Variants in PAK1 observed in about 807,000 individuals in gnomAD.
PAK1 encodes p21 (RAC1) activated kinase 1.
PAK1 carries 29 observed loss-of-function variants against 67.4 expected under a neutral mutation model. The observed-to-expected ratio is 0.43, with a 90% CI of 0.32 to 0.59. The LOEUF (loss-of-function observed/expected upper bound fraction) is 0.59. Among genes scored for constraint, PAK1 ranks in the 20% least tolerant of loss-of-function variants. The pLI is 0.07. For synonymous variants in PAK1, 223 were observed against 237.4 expected, an observed-to-expected ratio of 0.94 and a Z score of 0.56; for missense variants, 337 against 670.7, an observed-to-expected ratio of 0.50 and a Z score of 5.50.
At chr11:77,428,222 TAAG>T (rs1048312806) in intron 1 of PAK1, among the ~76,000 whole-genome samples, 1 of 152,134 alleles carries the variant, frequency 6.6e-6, no homozygotes, top group African/African-American at 2.4e-5. Flanking sequence ...GTGAAAGGTA[TAAG>T]AAGATTGAAA....
At chr11:77,352,612 AC>A (rs1179403209) in intron 8 of PAK1, among the ~76,000 whole-genome samples, 5 of 152,262 alleles carry the variant, frequency 3.3e-5, no homozygotes, top group Admixed American at 2.0e-4. Flanking sequence ...CTCACCACTC[AC>A]TGACTCACCT....
chr11:77,449,843 TTC>T lies in PAK1; in HGVS notation c.-22+23707_-22+23708del, dbSNP rs574217198. On this transcript the variant is annotated intron_variant, in intron 1 of 14. Coordinates refer to ENST00000356341, the MANE Select transcript of PAK1 (RefSeq NM_002576.5). ...TATTACATATTCAATTTTTTAAAAA[TTC>T]TGTTTTAGCCCCTGTGCTGAGAACA... 1.1e-4 allele frequency among the ~76,000 whole-genome samples: 16 copies of T among 152,256 alleles called. No homozygotes were observed. The South Asian group carries it at 2.9e-3, about 28-fold the overall frequency.
chr11:77,508,542 T>C, the PAK1 span, among the ~76,000 whole-genome samples: 13 of 152,108 alleles, frequency 8.5e-5, no homozygotes, highest in African/African-American at 3.1e-4. Context: ...AACCACTGAG[T>C]GCCGCAAATT....
chr11:77,443,304 T>C (rs1956443918), intron 1 of PAK1, among the ~76,000 whole-genome samples: 1 of 130,716 alleles, frequency 7.7e-6, no homozygotes, highest in African/African-American at 2.7e-5. Flanking sequence ...ACTCCGTCTC[T>C]TAAAAAAAAA....
chr11:77,485,693 T>C, the PAK1 span, among the ~76,000 whole-genome samples: 5,802 of 152,226 alleles, frequency 0.038, 383 homozygotes, highest in African/African-American at 0.13. Flanking sequence ...CAGGCTGATC[T>C]TGAACTCCTG....
intron 1 of PAK1, among the ~76,000 whole-genome samples, chr11:77,444,892 TTC>T (rs962316904): frequency 5.9e-5 from 9 of 152,108 alleles, no homozygotes; most frequent in African/African-American, 2.2e-4. Context: ...ATATCTCTAC[TTC>T]TCTCTGCTAA....
chr11:77,520,968 G>T, the PAK1 span, among the ~76,000 whole-genome samples: 2 of 152,156 alleles, frequency 1.3e-5, no homozygotes, highest in Non-Finnish European at 2.9e-5. Context: ...TAACAGGAAG[G>T]CCAAGGGAGT....
chr11:77,346,887 A>G (rs570124275), intron 9 of PAK1: 15 of 396,862 alleles, frequency 3.8e-5, no homozygotes, highest in South Asian at 1.5e-4. Flanking sequence ...TGTTCTTTCT[A>G]TTGTACACAT....
chr11:77,390,708 C>T (rs149437574), intron 2 of PAK1, among the ~76,000 whole-genome samples: 22 of 148,016 alleles, frequency 1.5e-4, no homozygotes, highest in African/African-American at 5.3e-4. Context: ...TCCTATTTTG[C>T]CCGGGCTAGT....
intron 1 of PAK1, among the ~76,000 whole-genome samples, chr11:77,460,674 G>A (rs1957304605): frequency 6.6e-6 from 1 of 152,068 alleles, no homozygotes; most frequent in Admixed American, 6.6e-5. Context: ...TTTCTAAAAT[G>A]GGACCATGGG....
chr11:77,482,421 G>T, the PAK1 span, among the ~76,000 whole-genome samples: 5 of 152,008 alleles, frequency 3.3e-5, no homozygotes, highest in African/African-American at 4.8e-5. Flanking sequence ...CCTTAAAAAA[G>T]ATATATATAA....
intron 8 of PAK1, among the ~76,000 whole-genome samples, chr11:77,350,194 G>A (rs1484503887): frequency 6.6e-6 from 1 of 152,022 alleles, no homozygotes; most frequent in African/African-American, 2.4e-5. Flanking sequence ...TGTGAATTTT[G>A]TTTTCTGTAG....
At chr11:77,377,318 T>C (rs1233831184) in intron 4 of PAK1, among the ~76,000 whole-genome samples, 3 of 152,050 alleles carry the variant, frequency 2.0e-5, no homozygotes, top group Non-Finnish European at 4.4e-5. Flanking sequence ...ACTAATAGTA[T>C]AAGAGGATGG....
intron 1 of PAK1, among the ~76,000 whole-genome samples, chr11:77,393,494 C>T (rs1277251657): frequency 1.3e-5 from 2 of 152,184 alleles, no homozygotes; most frequent in East Asian, 3.9e-4. Context: ...CAAGAGTCTC[C>T]CTATGTTGCC....
intron 9 of PAK1, among the ~76,000 whole-genome samples, chr11:77,348,691 C>G (rs911749898): frequency 6.6e-6 from 1 of 152,216 alleles, no homozygotes; most frequent in Non-Finnish European, 1.5e-5. Flanking sequence ...ATTCAATCAT[C>G]TAATCCTGTT....
At chr11:77,451,744 C>T (rs1007655775) in intron 1 of PAK1, among the ~76,000 whole-genome samples, 7 of 150,636 alleles carry the variant, frequency 4.6e-5, no homozygotes, top group African/African-American at 9.9e-5. Context: ...GGACTACAGG[C>T]GCCACCACCA....
chr11:77,456,090 A>G (rs1358834211), intron 1 of PAK1, among the ~76,000 whole-genome samples: 1 of 152,210 alleles, frequency 6.6e-6, no homozygotes, highest in Non-Finnish European at 1.5e-5. Flanking sequence ...ACCACTGCAC[A>G]TACTAGTTTT....
chr11:77,461,963 T>C (rs1476777860), intron 1 of PAK1, among the ~76,000 whole-genome samples: 1 of 152,188 alleles, frequency 6.6e-6, no homozygotes, highest in African/African-American at 2.4e-5. Context: ...TAACATGCAA[T>C]TCCTCAGCTT....
At chr11:77,456,750 T>G (rs181269500) in intron 1 of PAK1, among the ~76,000 whole-genome samples, 25 of 151,154 alleles carry the variant, frequency 1.7e-4, no homozygotes, top group African/African-American at 5.6e-4. Flanking sequence ...GGTTTTTTGT[T>G]TTTTTTTTTC....
Sources: gnomAD v4.1 joint callset for allele counts (sites outside exome capture counted in the v4.1 genomes callset) on GRCh38, gnomAD v4.1.1 for gene constraint, MANE v1.5 for transcripts, NCBI Gene and HGNC (gene_info 2026-07-23, HGNC 2026-07-21) for gene names.